The following RBFOX1 variants were observed in gnomAD, a reference collection of about 807,000 sequenced individuals.
RBFOX1 encodes the protein RNA binding fox-1 homolog 1, also known as RNA binding protein fox-1 homolog 1.
In RBFOX1, 8 loss-of-function variants were observed where a neutral mutation model predicts 57.7. The observed-to-expected ratio is 0.14, with a 90% confidence interval of 0.08 to 0.25. RBFOX1 has a LOEUF of 0.25. Among genes scored for constraint, RBFOX1 ranks in the 10% least tolerant of loss-of-function variants. The pLI is 1.00. For synonymous variants in RBFOX1, 326 were observed against 222.4 expected (o/e 1.47, Z -4.15); for missense variants, 611 against 548.5 (o/e 1.11, Z -1.14).
chr16:6,103,000 C>T (rs1254644421), intron 1 of RBFOX1, among the ~76,000 whole-genome samples: 3 of 152,122 alleles, frequency 2.0e-5, no homozygotes, highest in Non-Finnish European at 4.4e-5. Context: ...GCAAGACTTT[C>T]ATAATTGTGA....
At chr16:7,569,293 G>C (rs923274400) in intron 5 of RBFOX1, among the ~76,000 whole-genome samples, 1 of 152,174 alleles carries the variant, frequency 6.6e-6, no homozygotes, top group Non-Finnish European at 1.5e-5. Flanking sequence ...GGTTTACAAG[G>C]ATTGTAGCTG....
chr16:5,923,934 C>G (rs1475451717), intron 4 of RBFOX1, among the ~76,000 whole-genome samples: 1 of 152,142 alleles, frequency 6.6e-6, no homozygotes, highest in African/African-American at 2.4e-5. Flanking sequence ...TTGTCTGTGT[C>G]TCCACACAAA....
intron 4 of RBFOX1, among the ~76,000 whole-genome samples, chr16:7,274,981 C>T (rs141196449): frequency 5.3e-5 from 8 of 152,142 alleles, no homozygotes; most frequent in African/African-American, 1.9e-4. Context: ...ACTGCACCTG[C>T]CCAAAAGCAT....
intron 3 of RBFOX1, among the ~76,000 whole-genome samples, chr16:6,864,405 A>G (rs974575303): frequency 6.6e-6 from 1 of 152,218 alleles, no homozygotes; most frequent in African/African-American, 2.4e-5. Flanking sequence ...TTGCAGGCAC[A>G]GAAATTTTGT....
Position 5,769,089 on chromosome 16 carries a change from G to A in RBFOX1, c.319-98214G>A, listed in dbSNP as rs559487853. Among the ~76,000 whole-genome samples the A allele has an allele frequency of 5.7e-4, 86 of 152,166 alleles. 2 individuals are homozygous for A. The South Asian group carries it at 0.017, about 30-fold the overall frequency. On this transcript the variant is annotated intron_variant, in intron 3 of 19. Transcript: ENST00000641259. ...ACAGGTCAAAAAGAAAAAAAAAAGAGTCAATTAAATATTGATATATAGGAT... is the reference window on the plus strand; with the variant it reads ...ACAGGTCAAAAAGAAAAAAAAAAGAATCAATTAAATATTGATATATAGGAT...
chr16:7,664,621 A>T, intron 12 of RBFOX1: 1 of 393,050 alleles, frequency 2.5e-6, no homozygotes, highest in Non-Finnish European at 4.6e-6. Context: ...GGCCACTTAA[A>T]TCTCAGTCCT....
chr16:7,363,980 G>A (rs1174115546), intron 4 of RBFOX1, among the ~76,000 whole-genome samples: 1 of 152,108 alleles, frequency 6.6e-6, no homozygotes, highest in Non-Finnish European at 1.5e-5. Context: ...CATTTGAGGG[G>A]AAATATTTTT....
At chr16:7,495,394 A>G (rs568670903) in intron 4 of RBFOX1, among the ~76,000 whole-genome samples, 6 of 152,202 alleles carry the variant, frequency 3.9e-5, no homozygotes, top group Non-Finnish European at 7.3e-5. Context: ...AAATACTCAA[A>G]CAGCTTTCCA....
rs535390610 is a variant in RBFOX1 at position 6,693,227 on chromosome 16, C to T, written c.-16+38577C>T. 4.6e-5 allele frequency among the ~76,000 whole-genome samples: 7 copies of T among 151,952 alleles called. No individual in the cohort carries two copies. The South Asian group carries it at 1.2e-3, about 27-fold the overall frequency. ...CCACCATCATCATCACCGTCATCCT[C>T]CTCCACTACCATCACCACCATCATC... On this transcript the variant is annotated intron_variant, in intron 3 of 15. Transcript: ENST00000550418.
intron 1 of RBFOX1, among the ~76,000 whole-genome samples, chr16:5,392,631 T>C (rs767412122): frequency 2.0e-5 from 3 of 151,944 alleles, no homozygotes; most frequent in Admixed American, 6.6e-5. Context: ...GTCGACCTCC[T>C]GGGTTGAAGT....
chr16:7,697,400 C>T (rs753605210), intron 14 of RBFOX1, among the ~76,000 whole-genome samples: 2 of 152,126 alleles, frequency 1.3e-5, no homozygotes, highest in East Asian at 1.9e-4. Flanking sequence ...GGAAAGCAAA[C>T]CCTTTATCCC....
chr16:6,930,185 G>A (rs962402186), intron 3 of RBFOX1, among the ~76,000 whole-genome samples: 1 of 152,072 alleles, frequency 6.6e-6, no homozygotes, highest in Admixed American at 6.6e-5. Flanking sequence ...CTTTGATAAG[G>A]GATTAATATT....
intron 2 of RBFOX1, among the ~76,000 whole-genome samples, chr16:5,585,030 A>T (rs2046786660): frequency 6.6e-6 from 1 of 152,176 alleles, no homozygotes; most frequent in East Asian, 1.9e-4. Context: ...CATAGCATAA[A>T]ATTAACCATT....
intron 1 of RBFOX1, among the ~76,000 whole-genome samples, chr16:5,459,375 C>G (rs1012055799): frequency 2.0e-5 from 3 of 152,134 alleles, no homozygotes; most frequent in African/African-American, 7.2e-5. Flanking sequence ...TTGTGGGACC[C>G]CAGGTGGATT....
At chr16:6,645,128 C>G (rs545496563) in intron 2 of RBFOX1, among the ~76,000 whole-genome samples, 2 of 152,292 alleles carry the variant, frequency 1.3e-5, no homozygotes, top group South Asian at 2.1e-4. Context: ...CAGCATCTCT[C>G]TAATCCCCAC....
At chr16:7,342,072 A>G (rs771813920) in intron 4 of RBFOX1, among the ~76,000 whole-genome samples, 7 of 151,974 alleles carry the variant, frequency 4.6e-5, no homozygotes, top group East Asian at 1.9e-4. Context: ...CTGAAGACCT[A>G]TTTCTTCTTA....
chr16:6,947,329 T>G (rs1046271953), intron 3 of RBFOX1, among the ~76,000 whole-genome samples: 2 of 152,178 alleles, frequency 1.3e-5, no homozygotes, highest in Non-Finnish European at 2.9e-5. Context: ...TAACAGTCTT[T>G]AAGAGATAAC....
intron 4 of RBFOX1, among the ~76,000 whole-genome samples, chr16:7,094,962 C>T (rs929418332): frequency 1.3e-5 from 2 of 152,076 alleles, no homozygotes; most frequent in African/African-American, 4.8e-5. Flanking sequence ...CTATTGTAAA[C>T]ATCAGTGTAA....
At chr16:7,235,906 C>T (rs571059765) in intron 4 of RBFOX1, among the ~76,000 whole-genome samples, 3 of 152,118 alleles carry the variant, frequency 2.0e-5, no homozygotes, top group Admixed American at 6.6e-5. Context: ...TGTCTCCTTG[C>T]CCTCCTGTGA....
Sources: allele counts gnomAD v4.1 joint callset (sites outside exome capture counted in the v4.1 genomes callset), GRCh38; gene constraint gnomAD v4.1.1; transcripts MANE v1.5; gene names NCBI Gene and HGNC (gene_info 2026-07-23, HGNC 2026-07-21).